The following WLS variants were observed in gnomAD, a reference collection of about 807,000 sequenced individuals.
WLS encodes Wnt ligand secretion mediator.
In WLS, 23 loss-of-function variants were observed where a neutral mutation model predicts 62.8. The observed-to-expected ratio is 0.37, with a 90% confidence interval of 0.26 to 0.52. The LOEUF (loss-of-function observed/expected upper bound fraction) is 0.52, where lower values mean the gene tolerates loss of function less well. Among genes scored for constraint, WLS ranks in the 20% least tolerant of loss-of-function variants. The pLI is 0.92. For synonymous variants in WLS, 246 were observed against 244.1 expected (o/e 1.01, Z -0.07); for missense variants, 615 against 697.3 (o/e 0.88, Z 1.33).
chr1:68,186,836 C>T (rs1647976007), intron 2 of WLS, among the ~76,000 whole-genome samples: 1 of 151,994 alleles, frequency 6.6e-6, no homozygotes, highest in Non-Finnish European at 1.5e-5. Context: ...ATGCCTTGCT[C>T]AGTGTCCATA....
intron 1 of WLS, among the ~76,000 whole-genome samples, chr1:68,215,601 A>G (rs1044802162): frequency 1.3e-5 from 2 of 152,216 alleles, no homozygotes; most frequent in Admixed American, 1.3e-4. Flanking sequence ...AGGAAATAAT[A>G]AAGGATGTAC....
chr1:68,188,317 T>G (rs1205815327), intron 2 of WLS, among the ~76,000 whole-genome samples: 1 of 152,208 alleles, frequency 6.6e-6, no homozygotes, highest in Non-Finnish European at 1.5e-5. Context: ...AGGAAGCACC[T>G]CAATCAGTTG....
chr1:68,150,926 C>CT (rs1386166947), intron 5 of WLS, among the ~76,000 whole-genome samples: 1 of 152,162 alleles, frequency 6.6e-6, no homozygotes, highest in African/African-American at 2.4e-5. Flanking sequence ...TTTATTCATA[C>CT]TTTTTTCCAT....
At chr1:68,204,597 G>A (rs1158828566) in intron 1 of WLS, among the ~76,000 whole-genome samples, 1 of 152,140 alleles carries the variant, frequency 6.6e-6, no homozygotes, top group Non-Finnish European at 1.5e-5. Flanking sequence ...TTGAGCCACC[G>A]CGCCCGGCCG....
intron 1 of WLS, among the ~76,000 whole-genome samples, chr1:68,215,494 G>T (rs1293116366): frequency 6.6e-6 from 1 of 152,058 alleles, no homozygotes; most frequent in East Asian, 1.9e-4. Flanking sequence ...CCCAGATTTG[G>T]CTAATGGGTG....
chr1:68,161,165 AC>A (rs1487054877), intron 2 of WLS, among the ~76,000 whole-genome samples: 3 of 152,178 alleles, frequency 2.0e-5, no homozygotes, highest in Non-Finnish European at 2.9e-5. Flanking sequence ...TACTGAACTT[AC>A]AACCAACTTG....
At chr1:68,132,422 G>A (rs58911625) in intron 11 of WLS, among the ~76,000 whole-genome samples, 2,303 of 152,272 alleles carry the variant, frequency 0.015, 48 homozygotes, top group African/African-American at 0.048. Context: ...GGGAGATGGC[G>A]TCAATAAAAG....
intron 2 of WLS, chr1:68,193,717 C>T: frequency 3.9e-6 from 2 of 515,762 alleles, no homozygotes; most frequent in South Asian, 2.3e-5. Flanking sequence ...CATGAGTAAC[C>T]TCACTGGTGC....
intron 11 of WLS, among the ~76,000 whole-genome samples, chr1:68,099,490 G>A (rs747543387): frequency 1.6e-4 from 25 of 152,120 alleles, no homozygotes; most frequent in Non-Finnish European, 2.8e-4. Context: ...TCATCCTTCC[G>A]TACCTGTAGG....
chr1:68,159,920 A>T (rs1431288261), intron 2 of WLS, among the ~76,000 whole-genome samples: 2 of 152,212 alleles, frequency 1.3e-5, no homozygotes, highest in Admixed American at 1.3e-4. Flanking sequence ...GCACAAATGA[A>T]TGTTCACACA....
chr1:68,131,495 G>A (rs2100401109), intron 11 of WLS, among the ~76,000 whole-genome samples: 1 of 152,126 alleles, frequency 6.6e-6, no homozygotes, highest in African/African-American at 2.4e-5. Context: ...AGAGCCCTGG[G>A]TCCAGTTGTC....
chr1:68,193,606 G>C (rs973627613), intron 2 of WLS, among the ~76,000 whole-genome samples: 1 of 151,866 alleles, frequency 6.6e-6, no homozygotes, highest in Non-Finnish European at 1.5e-5. Flanking sequence ...CACTCCATTG[G>C]GGTGAACTCC....
intron 2 of WLS, among the ~76,000 whole-genome samples, chr1:68,182,243 C>G (rs148501498): frequency 2.0e-5 from 3 of 152,270 alleles, no homozygotes; most frequent in African/African-American, 7.2e-5. Flanking sequence ...TTAACAAAAC[C>G]CACCAAGCCA....
intron 11 of WLS, among the ~76,000 whole-genome samples, chr1:68,099,154 C>G (rs986792264): frequency 6.6e-6 from 1 of 152,164 alleles, no homozygotes; most frequent in Non-Finnish European, 1.5e-5. Context: ...CAGCAAGCCA[C>G]TTAGGAGGAT....
At chr1:68,174,438 A>C (rs924327567) in intron 2 of WLS, among the ~76,000 whole-genome samples, 1 of 152,198 alleles carries the variant, frequency 6.6e-6, no homozygotes, top group African/African-American at 2.4e-5. Context: ...TCCAGGAGAC[A>C]GTGGGACAAT....
intron 2 of WLS, among the ~76,000 whole-genome samples, chr1:68,160,334 T>A (rs1646955995): frequency 6.6e-6 from 1 of 152,202 alleles, no homozygotes; most frequent in Admixed American, 6.5e-5. Flanking sequence ...GACTTAGCTC[T>A]AACCCACCAT....
intron 3 of WLS, among the ~76,000 whole-genome samples, chr1:68,155,467 A>C (rs1334751343): frequency 6.6e-6 from 1 of 152,196 alleles, no homozygotes; most frequent in African/African-American, 2.4e-5. Flanking sequence ...AACAACAACA[A>C]AAAACAGCTG....
intron 2 of WLS, among the ~76,000 whole-genome samples, chr1:68,166,219 A>G (rs1282047339): frequency 6.6e-6 from 1 of 152,242 alleles, no homozygotes; most frequent in Non-Finnish European, 1.5e-5. Flanking sequence ...TGATGCCCTC[A>G]GATCTTAAGG....
chr1:68,202,581 A>G (rs1387335614), intron 1 of WLS: 1 of 152,176 alleles, frequency 6.6e-6, no homozygotes, highest in East Asian at 1.9e-4. Flanking sequence ...AAAGACCTCC[A>G]CAGAAAAATC....
Sources: allele counts gnomAD v4.1 joint callset (sites outside exome capture counted in the v4.1 genomes callset), GRCh38; gene constraint gnomAD v4.1.1; transcripts MANE v1.5; gene names NCBI Gene and HGNC (gene_info 2026-07-23, HGNC 2026-07-21).